The following STS variants were observed in gnomAD, a reference collection of about 807,000 sequenced individuals.
The protein encoded by STS is steryl-sulfatase.
Under a neutral mutation model 26.8 loss-of-function variants are expected in STS, and 7 were observed. The ratio of observed to expected loss-of-function variants is 0.26; its 90% CI spans 0.15 to 0.49. The LOEUF (loss-of-function observed/expected upper bound fraction) is 0.49. STS is among the 20% of genes least tolerant of loss of function. The pLI, the probability that STS is intolerant of heterozygous loss-of-function variation, is 0.98. For synonymous variants in STS, 199 were observed against 189.4 expected (o/e 1.05, Z -0.42); for missense variants, 434 against 465.6 (o/e 0.93, Z 0.63).
intron 1 of STS, among the ~76,000 whole-genome samples, chrX:7,186,892 G>A (rs1933782676): frequency 9.0e-6 from 1 of 111,637 alleles, no homozygotes; most frequent in Admixed American, 9.5e-5. Context: ...TTGCAGGGGA[G>A]TGAGGAAAGG....
chrX:7,292,977 G>A lies in STS; in HGVS notation c.944-12069G>A, dbSNP rs921873891. Among the ~76,000 whole-genome samples, 4 of 111,474 alleles carry A rather than the reference G, an allele frequency of 3.6e-5. No homozygotes were observed. In the East Asian group the frequency reaches 1.1e-3, roughly 32 times the overall value. On this transcript the variant is annotated intron_variant, in intron 7 of 10. Coordinates refer to ENST00000674429, the MANE Select transcript of STS (RefSeq NM_001320752.2). The stretch of plus-strand genomic sequence containing the variant: ...AACAGCATGGTACTGGTACCACACT[G>A]TCTCAATGCCAGTTGCCTGATATTT...
chrX:7,270,612 A>T (rs747071870), intron 6 of STS, among the ~76,000 whole-genome samples: 2 of 112,331 alleles, frequency 1.8e-5, no homozygotes, highest in Non-Finnish European at 3.8e-5. Flanking sequence ...TGCACAGAGT[A>T]TACATAAAGA....
intron 2 of STS, among the ~76,000 whole-genome samples, chrX:7,246,262 CTTTTTTT>C (rs373058144): frequency 1.0e-5 from 1 of 95,766 alleles, no homozygotes; most frequent in Non-Finnish European, 2.1e-5. Context: ...TTGGGAGAGA[CTTTTTTT>C]TTTTTTTTTT....
At chrX:7,149,952 C>T (rs181877430) in intron 1 of STS, among the ~76,000 whole-genome samples, 44 of 112,044 alleles carry the variant, frequency 3.9e-4, no homozygotes, top group African/African-American at 1.4e-3. Context: ...CAAATAAGGT[C>T]ACATTCTGAG....
intron 2 of STS, among the ~76,000 whole-genome samples, chrX:7,246,031 G>A (rs1192802338): frequency 8.9e-6 from 1 of 112,524 alleles, no homozygotes; most frequent in Non-Finnish European, 1.9e-5. Context: ...TGTCACGGAT[G>A]TGGGGCTGGA....
At position 7,325,285 on chromosome X, in the gene STS, A is replaced by G. The variant is rs1259435527; in HGVS notation, c.1082-54A>G. On this transcript the variant is annotated intron_variant, in intron 8 of 10. Coordinates refer to ENST00000674429, the MANE Select transcript of STS (RefSeq NM_001320752.2). ...CACGAAAGAGTCCATTGAAGTGAGC[A>G]TTGAAAGGATTGAAATCTCCCTGTT... 6.9e-6 allele frequency: 8 copies of G among 1,163,470 alleles called. No individual in the cohort carries two copies. In the African/African-American group the frequency reaches 1.1e-4, roughly 15 times the overall value.
chrX:7,209,740 T>C (rs947272555), intron 2 of STS, among the ~76,000 whole-genome samples: 3 of 109,484 alleles, frequency 2.7e-5, no homozygotes, highest in Non-Finnish European at 5.7e-5. Context: ...GGTGGTTTGC[T>C]GCACCTATTG....
intron 1 of STS, among the ~76,000 whole-genome samples, chrX:7,175,594 T>C (rs1367083450): frequency 1.8e-5 from 2 of 112,309 alleles, no homozygotes; most frequent in Non-Finnish European, 3.8e-5. Context: ...CAGGTTATAG[T>C]ATCTGCAGAA....
chrX:7,177,157 C>T (rs1933587433), intron 1 of STS, among the ~76,000 whole-genome samples: 1 of 111,193 alleles, frequency 9.0e-6, no homozygotes, highest in Non-Finnish European at 1.9e-5. Context: ...TGGAAGGAAA[C>T]ATTCTCAGGA....
At chrX:7,182,520 A>C (rs768404581) in intron 1 of STS, among the ~76,000 whole-genome samples, 2 of 110,542 alleles carry the variant, frequency 1.8e-5, no homozygotes, top group Non-Finnish European at 3.8e-5. Flanking sequence ...GTGTCTTTTC[A>C]TAAATACAAC....
Position 7,251,557 on chromosome X carries a change from G to T in STS, c.-4-1639G>T, listed in dbSNP as rs760995231. ...GTGCTCCCAGATACACGGCAATGAGGGTCCAGTGTCAGGAGAGAACAGATA... is the reference window on the plus strand; with the variant it reads ...GTGCTCCCAGATACACGGCAATGAGTGTCCAGTGTCAGGAGAGAACAGATA... On this transcript the variant is annotated intron_variant, in intron 2 of 10. Transcript: ENST00000674429. 2.7e-5 allele frequency among the ~76,000 whole-genome samples: 3 copies of T among 111,385 alleles called. No homozygotes were observed. The Admixed American group carries it at 2.9e-4, about 11-fold the overall frequency.
intron 3 of STS, among the ~76,000 whole-genome samples, chrX:7,255,374 A>G (rs1407548681): frequency 8.9e-6 from 1 of 112,130 alleles, no homozygotes; most frequent in African/African-American, 3.2e-5. Context: ...TTTTCTTATC[A>G]GCATCATAAT....
chrX:7,204,375 A>G, intron 2 of STS, among the ~76,000 whole-genome samples: 1 of 111,207 alleles, frequency 9.0e-6, no homozygotes, highest in African/African-American at 3.3e-5. Context: ...CATTTTCCAT[A>G]TTTGTATTAA....
At chrX:7,164,855 A>C (rs201605851) in intron 1 of STS, among the ~76,000 whole-genome samples, 796 of 58,205 alleles carry the variant, frequency 0.014, 7 homozygotes, top group African/African-American at 0.033. Flanking sequence ...AAAAAAAAAA[A>C]ACACACACAC....
At chrX:7,323,414 C>G (rs991804807) in intron 8 of STS, among the ~76,000 whole-genome samples, 1 of 110,769 alleles carries the variant, frequency 9.0e-6, no homozygotes, top group Non-Finnish European at 1.9e-5. Context: ...TCTACTGTTG[C>G]CAACTTTATG....
At chrX:7,348,022 T>A (rs1184691858) in intron 10 of STS, among the ~76,000 whole-genome samples, 2 of 112,150 alleles carry the variant, frequency 1.8e-5, no homozygotes, top group Admixed American at 1.9e-4. Context: ...TGACCTTATC[T>A]TTCTGAAGCA....
intron 2 of STS, among the ~76,000 whole-genome samples, chrX:7,239,513 A>C (rs183962377): frequency 6.2e-5 from 7 of 112,320 alleles, no homozygotes; most frequent in Admixed American, 2.8e-4. Context: ...CAAATTTAAT[A>C]TAATTACATC....
rs11797980 is a variant in STS at position 7,269,851 on chromosome X, C to T, written c.807-6100C>T. On this transcript the variant is annotated intron_variant, in intron 6 of 10. Transcript: ENST00000674429. ...TAGCCAGAAGGAATTCACAGACATC[C>T]CTATTTGCATTCCTGTTATTCCCTA... 9.2e-3 allele frequency among the ~76,000 whole-genome samples: 1,023 copies of T among 111,582 alleles called. 5 individuals carry two copies. Among genetic ancestry groups the T allele is most frequent in the Non-Finnish European group, 0.015 (812 of 53,088 alleles).
intron 7 of STS, among the ~76,000 whole-genome samples, chrX:7,276,860 A>G (rs932451932): frequency 8.9e-6 from 1 of 112,197 alleles, no homozygotes; most frequent in Non-Finnish European, 1.9e-5. Flanking sequence ...TTTCACTGAC[A>G]TTGGGAAGAC....
Sources: gnomAD v4.1 joint callset for allele counts (sites outside exome capture counted in the v4.1 genomes callset) on GRCh38, gnomAD v4.1.1 for gene constraint, MANE v1.5 for transcripts, NCBI Gene and HGNC (gene_info 2026-07-23, HGNC 2026-07-21) for gene names.